Variants in FRYL observed in about 807,000 individuals in gnomAD.
The protein encoded by FRYL is FRY like transcription coactivator, also known as protein furry homolog-like.
FRYL carries 150 observed loss-of-function variants against 351.2 expected under a neutral mutation model. The ratio of observed to expected loss-of-function variants is 0.43; its 90% CI spans 0.37 to 0.49. The LOEUF is 0.49. Among genes scored for constraint, FRYL ranks in the 20% least tolerant of loss-of-function variants. The pLI is 0.00. For missense variants in FRYL, 3,036 were observed against 3,619.3 expected (o/e 0.84, Z 4.13); for synonymous variants, 1,153 against 1,257.1 (o/e 0.92, Z 1.75).
At chr4:48,775,325 C>T (rs1775902739) in intron 1 of FRYL, among the ~76,000 whole-genome samples, 1 of 152,224 alleles carries the variant, frequency 6.6e-6, no homozygotes, top group African/African-American at 2.4e-5. Context: ...AAGGTTCCTG[C>T]TCAGAGGAGC....
At chr4:48,632,516 T>A (rs995180203) in intron 4 of FRYL, among the ~76,000 whole-genome samples, 1 of 150,646 alleles carries the variant, frequency 6.6e-6, no homozygotes, top group African/African-American at 2.4e-5. Flanking sequence ...GCTTTTGTAA[T>A]CCTTACTTCT....
chr4:48,544,666 A>C (rs1730953543), intron 43 of FRYL, 117 bp downstream of exon 43: 1 of 750,418 alleles, frequency 1.3e-6, no homozygotes, highest in African/African-American at 1.8e-5. Flanking sequence ...TAATAAATTA[A>C]AAGTCTAAAA....
chr4:48,636,704 ATT>A (rs1754298485), intron 3 of FRYL: 1 of 152,044 alleles, frequency 6.6e-6, no homozygotes, highest in Admixed American at 6.6e-5. Context: ...AGATAAAAAT[ATT>A]TTGTTTGATA....
At chr4:48,557,905 A>G (rs1450164189) in intron 33 of FRYL, among the ~76,000 whole-genome samples, 193 bp from the exon 34 acceptor site, 1 of 152,240 alleles carries the variant, frequency 6.6e-6, no homozygotes, top group Non-Finnish European at 1.5e-5. Context: ...CATAAATCAC[A>G]TACATTTTAT....
intron 1 of FRYL, among the ~76,000 whole-genome samples, chr4:48,718,460 A>C (rs1201361829): frequency 6.6e-6 from 1 of 151,596 alleles, no homozygotes; most frequent in Admixed American, 6.6e-5. Context: ...TATATAGCCA[A>C]TATTGTTTAA....
At chr4:48,664,955 T>C (rs770159496) in intron 3 of FRYL, among the ~76,000 whole-genome samples, 28 of 152,212 alleles carry the variant, frequency 1.8e-4, no homozygotes, top group Non-Finnish European at 3.1e-4. Flanking sequence ...TATTTAGAAG[T>C]ATAAATCAAG....
chr4:48,772,310 C>T (rs1224418445), intron 1 of FRYL, among the ~76,000 whole-genome samples: 1 of 152,146 alleles, frequency 6.6e-6, no homozygotes, highest in African/African-American at 2.4e-5. Context: ...CACATGAGAC[C>T]TGCCGGTAAA....
chr4:48,760,749 T>TC (rs1774319101), intron 1 of FRYL, among the ~76,000 whole-genome samples: 1 of 152,204 alleles, frequency 6.6e-6, no homozygotes, highest in African/African-American at 2.4e-5. Flanking sequence ...CAATCTCAGC[T>TC]CATTGCAACC....
At chr4:48,556,117 A>C (rs1164525015) in intron 35 of FRYL, among the ~76,000 whole-genome samples, 3 of 151,904 alleles carry the variant, frequency 2.0e-5, no homozygotes, top group African/African-American at 7.3e-5. Context: ...CTGGCCTCGG[A>C]CTCCTGACCT....
At chr4:48,573,038 T>G (rs1297782722) in intron 26 of FRYL, 148 bp downstream of exon 26, 1 of 595,704 alleles carries the variant, frequency 1.7e-6, no homozygotes. Flanking sequence ...GGTTTCTGCA[T>G]AAGATCTTCT....
chr4:48,631,881 T>G (rs1753038873), intron 4 of FRYL, among the ~76,000 whole-genome samples: 1 of 149,688 alleles, frequency 6.7e-6, no homozygotes, highest in Admixed American at 6.7e-5. Context: ...GGGTGAGATC[T>G]CATCTCTACA....
intron 1 of FRYL, among the ~76,000 whole-genome samples, chr4:48,724,720 T>G (rs1211160753): frequency 1.3e-5 from 2 of 152,204 alleles, no homozygotes; most frequent in Non-Finnish European, 2.9e-5. Flanking sequence ...ATGCATACTT[T>G]CAAACAGTTT....
At chr4:48,623,225 A>C (rs1237317510) in intron 4 of FRYL, 46 bp from the exon 5 acceptor site, 16 of 1,063,898 alleles carry the variant, frequency 1.5e-5, no homozygotes, top group Non-Finnish European at 2.2e-5. Context: ...TAAAGCACAA[A>C]TATAAAACAT....
At chr4:48,614,721 C>CAAAAAAAAA (rs1161734085) in intron 7 of FRYL, among the ~76,000 whole-genome samples, 1 of 47,122 alleles carries the variant, frequency 2.1e-5, no homozygotes, top group Non-Finnish European at 3.4e-5. Flanking sequence ...GACTCCATCT[C>CAAAAAAAAA]AAAAAAAAAA....
Position 48,575,128 on chromosome 4 carries a change from T to C in FRYL, c.2835A>G (p.Pro945=), listed in dbSNP as rs748148889. 6.2e-7 allele frequency: 1 copy of C among 1,613,508 alleles called. No individual in the cohort carries two copies. Among genetic ancestry groups the C allele is most frequent in the Non-Finnish European group, 8.5e-7 (1 of 1,179,444 alleles). The change falls in exon 25 of 64, where the codon CCA becomes CCG. Residue 945 remains proline, a synonymous_variant. Transcript: ENST00000358350. ...ACGAACATAGTTACCTAAAAGCTCCTGGGTTGGTCCTGCCAAGACCTAGAA... is the reference window on the plus strand; with the variant it reads ...ACGAACATAGTTACCTAAAAGCTCCCGGGTTGGTCCTGCCAAGACCTAGAA... ...SLVLGLGRTN[P]GAFRELIEEL...
chr4:48,662,873 A>G (rs2149479451), intron 3 of FRYL, among the ~76,000 whole-genome samples: 2 of 152,248 alleles, frequency 1.3e-5, no homozygotes, highest in South Asian at 4.1e-4. Context: ...ATATCCAGTA[A>G]AAATATCTTT....
At chr4:48,569,329 G>A (rs1357188464) in intron 27 of FRYL, among the ~76,000 whole-genome samples, 8 of 151,798 alleles carry the variant, frequency 5.3e-5, no homozygotes, top group East Asian at 1.9e-4. Context: ...CTTTTGAGGC[G>A]GAGTTTCACT....
chr4:48,510,344 A>C (rs1260883980), intron 58 of FRYL, among the ~76,000 whole-genome samples, 187 bp from the exon 59 acceptor site: 1 of 152,170 alleles, frequency 6.6e-6, no homozygotes, highest in Admixed American at 6.5e-5. Flanking sequence ...GTGGGACTTG[A>C]GGAGGGTCAG....
At chr4:48,596,330 CATA>C (rs1744584413) in intron 13 of FRYL, among the ~76,000 whole-genome samples, 1 of 152,092 alleles carries the variant, frequency 6.6e-6, no homozygotes, top group Admixed American at 6.5e-5. Flanking sequence ...CCAATACTGA[CATA>C]ATGACTGAAA....
Sources: gnomAD v4.1 joint callset for allele counts (sites outside exome capture counted in the v4.1 genomes callset) on GRCh38, gnomAD v4.1.1 for gene constraint, MANE v1.5 for transcripts, NCBI Gene and HGNC (gene_info 2026-07-23, HGNC 2026-07-21) for gene names.